Variants in NHS observed in about 807,000 individuals in gnomAD.
NHS encodes the protein NHS actin remodeling regulator, also known as actin remodeling regulator NHS.
A neutral mutation model predicts 72.5 loss-of-function variants in NHS; 5 were observed. The observed-to-expected ratio is 0.07, with a 90% CI of 0.04 to 0.14. The LOEUF (loss-of-function observed/expected upper bound fraction) is 0.14, where lower values mean the gene tolerates loss of function less well. Ranked by LOEUF, NHS falls within the 10% of genes least tolerant of loss-of-function variation. The probability of loss-of-function intolerance (pLI) is 1.00; values close to 1 mark genes in which losing one functional copy is unlikely to be tolerated. For missense variants in NHS, 1,072 were observed against 1,355.7 expected, an observed-to-expected ratio of 0.79 and a Z score of 3.29; for synonymous variants, 464 against 547.7, an observed-to-expected ratio of 0.85 and a Z score of 2.13.
In NHS at chrX:17,723,768, T is replaced by C. The variant is rs186116090; in HGVS notation, c.1109-531T>C. On this transcript the variant is annotated intron_variant, in intron 5 of 8. Coordinates refer to ENST00000676302, the MANE Select transcript of NHS (RefSeq NM_001291867.2). ...GTGTGTGTGTGTGTGTGTGTGTGTGTGTGCGCGCGCGTGCGCGCATGGGGA... is the reference window on the plus strand; with the variant it reads ...GTGTGTGTGTGTGTGTGTGTGTGTGCGTGCGCGCGCGTGCGCGCATGGGGA... 3.6e-3 allele frequency among the ~76,000 whole-genome samples: 336 copies of C among 93,935 alleles called. 2 individuals carry two copies. Among genetic ancestry groups the C allele is most frequent in the African/African-American group, 0.014 (285 of 20,177 alleles). 81.6% of individuals were successfully genotyped at this position (93,935 alleles called of 115,157 possible).
intron 1 of NHS, among the ~76,000 whole-genome samples, chrX:17,377,179 T>G (rs1387978696): frequency 8.9e-6 from 1 of 111,751 alleles, no homozygotes; most frequent in African/African-American, 3.3e-5. Context: ...AGGTATGAAC[T>G]AGTCTGCTAG....
intron 1 of NHS, among the ~76,000 whole-genome samples, chrX:17,613,244 G>A (rs772173300): frequency 9.0e-6 from 1 of 110,538 alleles, no homozygotes; most frequent in East Asian, 2.9e-4. Context: ...ATGGTGGCAG[G>A]TACCTGTAAT....
chrX:17,448,722 TGAG>T (rs995097663), intron 1 of NHS, among the ~76,000 whole-genome samples: 3 of 111,650 alleles, frequency 2.7e-5, no homozygotes, highest in African/African-American at 6.5e-5. Flanking sequence ...TGTAGGAAGG[TGAG>T]GAGAATTTTT....
At chrX:17,629,721 A>G (rs751055480) in intron 1 of NHS, among the ~76,000 whole-genome samples, 1 of 112,092 alleles carries the variant, frequency 8.9e-6, no homozygotes, top group Non-Finnish European at 1.9e-5. Context: ...ATGGGCTGCA[A>G]GCAAGCTTGG....
intron 1 of NHS, among the ~76,000 whole-genome samples, chrX:17,613,472 C>T (rs1389117227): frequency 8.9e-6 from 1 of 111,845 alleles, no homozygotes; most frequent in Non-Finnish European, 1.9e-5. Context: ...AGACCTTCTA[C>T]TTGTTCTGAT....
chrX:17,592,098 T>C (rs539423836), intron 1 of NHS, among the ~76,000 whole-genome samples: 12 of 111,931 alleles, frequency 1.1e-4, no homozygotes, highest in Middle Eastern at 4.6e-3. Flanking sequence ...AATCACTGTA[T>C]ACCTGTCTAT....
intron 4 of NHS, among the ~76,000 whole-genome samples, chrX:17,720,324 G>A (rs1452720694): frequency 8.9e-6 from 1 of 111,836 alleles, no homozygotes; most frequent in Non-Finnish European, 1.9e-5. Context: ...AATCCTCTGA[G>A]TCAACAGGGC....
chrX:17,439,891 A>G (rs938819285), intron 1 of NHS, among the ~76,000 whole-genome samples: 8 of 112,198 alleles, frequency 7.1e-5, no homozygotes, highest in Non-Finnish European at 5.6e-5. Flanking sequence ...TATGTTGCAC[A>G]TGGTAAGAGT....
chrX:17,529,974 T>G (rs773625080), intron 1 of NHS, among the ~76,000 whole-genome samples: 48 of 111,097 alleles, frequency 4.3e-4, no homozygotes, highest in African/African-American at 1.4e-3. Context: ...TCTCTGGATG[T>G]GCAGGCTGCT....
chrX:17,726,537 A>G lies in NHS; in HGVS notation c.2431A>G (p.Asn811Asp), dbSNP rs1299633408. Residue 811 changes from asparagine to aspartate, a missense_variant, in exon 7 of 9, where the codon AAT becomes GAT. Asn to Asp is a conservative substitution (Grantham distance 23, BLOSUM62 1). Coordinates refer to ENST00000676302, the MANE Select transcript of NHS (RefSeq NM_001291867.2). ...TCACTATGCAGCCCTGGGCCCAGAG[A>G]ATGGCCAGGGTGTAGGGGCTTCCCC... ...VCHYAALGPE[N>D]GQGVGASPGL... 4 of 1,210,040 alleles carry G rather than the reference A, an allele frequency of 3.3e-6. No individual in the cohort carries two copies. The highest frequency in any genetic ancestry group is 1.7e-5 in the African/African-American group (1 of 57,172).
chrX:17,707,474 A>C (rs1482106203), intron 3 of NHS, among the ~76,000 whole-genome samples: 1 of 112,101 alleles, frequency 8.9e-6, no homozygotes, highest in Non-Finnish European at 1.9e-5. Flanking sequence ...CTTTTTACCA[A>C]GGATGTGTCT....
At chrX:17,393,055 C>A (rs751386198) in intron 1 of NHS, among the ~76,000 whole-genome samples, 1 of 111,823 alleles carries the variant, frequency 8.9e-6, no homozygotes, top group East Asian at 2.8e-4. Flanking sequence ...TATAGTATTC[C>A]TTTGTATGAG....
rs1438299421 is a variant in NHS, at chrX:17,465,687, G to A, written c.565+89365G>A. On this transcript the variant is annotated intron_variant, in intron 1 of 8. Transcript: ENST00000676302. Reference sequence around the variant, plus strand: ...CTAAGAGAATGTTCCCTTTCTCTGGGAACACATCATTTTTGCTTTTCACTG... The same window carrying A: ...CTAAGAGAATGTTCCCTTTCTCTGGAAACACATCATTTTTGCTTTTCACTG... Among the ~76,000 whole-genome samples the A allele has an allele frequency of 2.7e-5, 3 of 110,821 alleles. No homozygotes were observed. The East Asian group carries it at 8.5e-4, about 32-fold the overall frequency.
chrX:17,508,744 A>G (rs2065071381), intron 1 of NHS, among the ~76,000 whole-genome samples: 1 of 112,246 alleles, frequency 8.9e-6, no homozygotes, highest in African/African-American at 3.2e-5. Context: ...TGCTGGGATT[A>G]CAAGAGTGAG....
chrX:17,663,061 C>T (rs772649850), intron 1 of NHS, among the ~76,000 whole-genome samples: 1 of 111,549 alleles, frequency 9.0e-6, no homozygotes, highest in African/African-American at 3.3e-5. Context: ...ATTATTCATT[C>T]ATTCATTCAA....
In NHS at chrX:17,535,559, G is replaced by A. The variant is rs183050214; in HGVS notation, c.566-152183G>A. Among the ~76,000 whole-genome samples the A allele has an allele frequency of 3.6e-4, 40 of 111,071 alleles. No individual in the cohort carries two copies. In the East Asian group the frequency reaches 5.1e-3, roughly 14 times the overall value. On this transcript the variant is annotated intron_variant, in intron 1 of 8. Coordinates refer to ENST00000676302, the MANE Select transcript of NHS (RefSeq NM_001291867.2). ...CATGGTATATTTCAGTCTGGGGAGT[G>A]GTGAGGAGTGGCCGAATGCTAACTT... is the stretch of plus-strand genomic sequence containing the variant.
At chrX:17,656,411 ACAT>A (rs1052926199) in intron 1 of NHS, among the ~76,000 whole-genome samples, 20 of 112,338 alleles carry the variant, frequency 1.8e-4, no homozygotes, top group Admixed American at 6.5e-4. Flanking sequence ...TGGGCAAGTG[ACAT>A]CATTTTAAAC....
intron 1 of NHS, among the ~76,000 whole-genome samples, chrX:17,536,818 G>T (rs747048099): frequency 8.9e-5 from 10 of 112,160 alleles, no homozygotes; most frequent in Non-Finnish European, 1.9e-4. Flanking sequence ...GTTCTTGTTC[G>T]TTGCATGAAA....
chrX:17,714,566 A>G (rs1354474766), intron 3 of NHS, among the ~76,000 whole-genome samples: 1 of 112,164 alleles, frequency 8.9e-6, no homozygotes. Context: ...TGTGGGTGGC[A>G]ATAATTTGAT....
Sources: gnomAD v4.1 joint callset for allele counts (sites outside exome capture counted in the v4.1 genomes callset) on GRCh38, gnomAD v4.1.1 for gene constraint, MANE v1.5 for transcripts, NCBI Gene and HGNC (gene_info 2026-07-23, HGNC 2026-07-21) for gene names.